The following SLC25A48 variants were observed in gnomAD, a reference collection of about 807,000 sequenced individuals.
SLC25A48 encodes CTC-321K16.1.
In SLC25A48, 29 loss-of-function variants were observed where a neutral mutation model predicts 32.2. That is an observed-to-expected ratio of 0.90 (90% CI 0.67 to 1.23). The LOEUF (loss-of-function observed/expected upper bound fraction) is 1.23, where lower values mean the gene tolerates loss of function less well. Ranked by LOEUF, SLC25A48 falls within the 50% of genes most tolerant of loss-of-function variation. The pLI is 0.00. For missense variants in SLC25A48, 399 were observed against 422.7 expected (o/e 0.94, Z 0.49); for synonymous variants, 164 against 172.3 (o/e 0.95, Z 0.38).
At chr5:135,716,222 C>T (rs989688261) in intron 3 of SLC25A48, among the ~76,000 whole-genome samples, 1 of 152,190 alleles carries the variant, frequency 6.6e-6, no homozygotes, top group Non-Finnish European at 1.5e-5. Flanking sequence ...TGGTCTGGGA[C>T]AGCCAGCAGG....
At chr5:135,725,746 T>A (rs1216061537) in intron 3 of SLC25A48, among the ~76,000 whole-genome samples, 1 of 152,118 alleles carries the variant, frequency 6.6e-6, no homozygotes, top group Non-Finnish European at 1.5e-5. Flanking sequence ...CTTTCAGACC[T>A]CTCCGTCTGA....
At chr5:135,669,325 G>C (rs531039064) in intron 3 of SLC25A48, among the ~76,000 whole-genome samples, 5 of 152,280 alleles carry the variant, frequency 3.3e-5, no homozygotes, top group Non-Finnish European at 7.3e-5. Context: ...CTTCTGGATA[G>C]GGGCTGCCTT....
At chr5:135,589,927 C>A (rs2126875404) in intron 1 of SLC25A48, among the ~76,000 whole-genome samples, 1 of 152,254 alleles carries the variant, frequency 6.6e-6, no homozygotes, top group African/African-American at 2.4e-5. Flanking sequence ...AACACCTGAC[C>A]TCAGGTGATC....
In SLC25A48 at chr5:135,613,531, G is replaced by C. The variant is rs914897638; in HGVS notation, c.-848-15706G>C. 2.0e-5 allele frequency among the ~76,000 whole-genome samples: 3 copies of C among 152,056 alleles called. No homozygotes were observed. The East Asian group carries it at 5.8e-4, about 29-fold the overall frequency. On this transcript the variant is annotated intron_variant, in intron 1 of 10. Coordinates refer to the SLC25A48 transcript ENST00000646290. ...CAAAGTCCTGAAGTGTTTTCCCTATGTTTTCTTCCAGTGGTATTATAGTTT... is the reference window on the plus strand; with the variant it reads ...CAAAGTCCTGAAGTGTTTTCCCTATCTTTTCTTCCAGTGGTATTATAGTTT...
At chr5:135,732,905 G>A (rs1457168321) in intron 3 of SLC25A48, among the ~76,000 whole-genome samples, 1 of 152,118 alleles carries the variant, frequency 6.6e-6, no homozygotes, top group Non-Finnish European at 1.5e-5. Context: ...TTGAGCGATG[G>A]GATCTGATGC....
chr5:135,763,967 G>T (rs935714208), intron 3 of SLC25A48, among the ~76,000 whole-genome samples: 1 of 152,130 alleles, frequency 6.6e-6, no homozygotes, highest in Non-Finnish European at 1.5e-5. Context: ...CTGTCTGCCG[G>T]GTTCAAGCAA....
chr5:135,727,201 TATAC>T (rs1438012293), intron 3 of SLC25A48, among the ~76,000 whole-genome samples: 2 of 143,470 alleles, frequency 1.4e-5, no homozygotes, highest in African/African-American at 5.1e-5. Context: ...TATATATATA[TATAC>T]GTGTGTATAG....
intron 6 of SLC25A48, among the ~76,000 whole-genome samples, chr5:135,876,889 T>C (rs937354984): frequency 7.9e-5 from 12 of 152,220 alleles, no homozygotes; most frequent in Admixed American, 2.6e-4. Context: ...CCCAGTTGGC[T>C]TGGGCTCTGG....
At chr5:135,877,789 G>C (rs182908857) in intron 6 of SLC25A48, among the ~76,000 whole-genome samples, 1 of 152,134 alleles carries the variant, frequency 6.6e-6, no homozygotes, top group Non-Finnish European at 1.5e-5. Flanking sequence ...GATACCAAGT[G>C]CACAGAAGGT....
intron 3 of SLC25A48, among the ~76,000 whole-genome samples, chr5:135,706,152 A>G (rs1188936338): frequency 6.6e-6 from 1 of 152,168 alleles, no homozygotes; most frequent in Non-Finnish European, 1.5e-5. Flanking sequence ...GGGTAAACAT[A>G]GCCTTTCTCC....
At chr5:135,669,819 G>A (rs750826006) in intron 3 of SLC25A48, among the ~76,000 whole-genome samples, 2 of 152,206 alleles carry the variant, frequency 1.3e-5, no homozygotes, top group Non-Finnish European at 2.9e-5. Flanking sequence ...TGGTGCCCGA[G>A]GCTGAGGGAT....
chr5:135,770,968 A>G (rs74666538), intron 3 of SLC25A48, among the ~76,000 whole-genome samples: 1 of 151,878 alleles, frequency 6.6e-6, no homozygotes, highest in East Asian at 1.9e-4. Flanking sequence ...CCCCTGTTAT[A>G]TTGTTCCTAA....
chr5:135,814,119 C>G (rs1006501127), intron 4 of SLC25A48, among the ~76,000 whole-genome samples: 3 of 152,170 alleles, frequency 2.0e-5, no homozygotes, highest in African/African-American at 7.2e-5. Flanking sequence ...TGCAGTTGAG[C>G]CAGGTGTTGA....
At chr5:135,628,846 C>T (rs895541021) in intron 1 of SLC25A48, among the ~76,000 whole-genome samples, 9 of 152,230 alleles carry the variant, frequency 5.9e-5, no homozygotes, top group East Asian at 3.9e-4. Flanking sequence ...AGATGGAGGG[C>T]GGGATTCGAA....
Position 135,823,573 on chromosome 5 carries a change from G to A in SLC25A48, c.-117+10647G>A, listed in dbSNP as rs553877838. ...TATGCCAGGGTTTTTCTAGGCCTTC[G>A]GGACACAGAAGTGATCTAGACAGAT... On this transcript the variant is annotated intron_variant, in intron 4 of 10. Transcript: ENST00000646290. 4.1e-4 allele frequency among the ~76,000 whole-genome samples: 63 copies of A among 152,194 alleles called. No homozygotes were observed. In the South Asian group the frequency reaches 6.2e-3, roughly 15 times the overall value.
intron 3 of SLC25A48, among the ~76,000 whole-genome samples, chr5:135,762,707 G>T (rs774096035): frequency 6.6e-6 from 1 of 152,060 alleles, no homozygotes; most frequent in Non-Finnish European, 1.5e-5. Flanking sequence ...GAGAATGAGT[G>T]TGTGCGTGTG....
chr5:135,871,528 C>G lies in SLC25A48; in HGVS notation c.489C>G (p.His163Gln). The change falls in exon 5 of 8, where the codon CAC becomes CAG. Residue 163 changes from histidine to glutamine, a missense_variant. Physicochemically the swap from His to Gln is conservative, Grantham distance 24. Transcript: ENST00000681962. Reference protein sequence around the residue: ...AEQPAYQGPVHCITTIVRNEG... With the variant: ...AEQPAYQGPVQCITTIVRNEG... ...AGCCAGCATACCAGGGGCCAGTGCA[C>G]TGCATTACAACCATTGTGAGGAATG... is the stretch of plus-strand genomic sequence containing the variant. 6.2e-7 allele frequency: 1 copy of G among 1,613,554 alleles called. No individual in the cohort carries two copies. The highest frequency in any genetic ancestry group is 1.1e-5 in the South Asian group (1 of 91,048).
chr5:135,752,361 A>G lies in SLC25A48; in HGVS notation c.-520-60162A>G, dbSNP rs547379383. 1.7e-3 allele frequency among the ~76,000 whole-genome samples: 265 copies of G among 152,358 alleles called. 1 individual carries two copies. Among genetic ancestry groups the G allele is most frequent in the African/African-American group, 6.2e-3 (256 of 41,584 alleles). Reference sequence around the variant, plus strand: ...CAAGGCAGGCAGATCACCTGAGGCCAGGAGTTCGAGACCAGCCTGGCCAAC... The same window carrying G: ...CAAGGCAGGCAGATCACCTGAGGCCGGGAGTTCGAGACCAGCCTGGCCAAC... On this transcript the variant is annotated intron_variant, in intron 3 of 10. Coordinates refer to the SLC25A48 transcript ENST00000646290.
At chr5:135,652,480 G>A (rs1002114473) in intron 3 of SLC25A48, 11 of 455,300 alleles carry the variant, frequency 2.4e-5, no homozygotes, top group Non-Finnish European at 4.9e-5. Flanking sequence ...CAAAGAAAGT[G>A]GTGCAATGGA....
Sources: gnomAD v4.1 joint callset for allele counts (sites outside exome capture counted in the v4.1 genomes callset) on GRCh38, gnomAD v4.1.1 for gene constraint, MANE v1.5 for transcripts, NCBI Gene and HGNC (gene_info 2026-07-23, HGNC 2026-07-21) for gene names.